MYT1L: variants seen among roughly 807,000 people sequenced by gnomAD.
MYT1L encodes the protein myelin transcription factor 1 like.
MYT1L carries 12 observed loss-of-function variants against 126.7 expected under a neutral mutation model. The ratio of observed to expected loss-of-function variants is 0.09; its 90% CI spans 0.06 to 0.15. MYT1L has a LOEUF of 0.15. Ranked by LOEUF, MYT1L falls within the 10% of genes least tolerant of loss-of-function variation. MYT1L has a pLI of 1.00. For missense variants in MYT1L, 979 were observed against 1,585.2 expected (o/e 0.62, Z 6.49); for synonymous variants, 541 against 604.2 (o/e 0.90, Z 1.53).
intron 2 of MYT1L, among the ~76,000 whole-genome samples, chr2:2,197,486 C>T (rs766231851): frequency 2.0e-5 from 3 of 152,092 alleles, no homozygotes; most frequent in Non-Finnish European, 2.9e-5. Flanking sequence ...TATATACACA[C>T]ATGCACACAC....
At chr2:1,941,146 G>T (rs1432636668) in intron 9 of MYT1L, among the ~76,000 whole-genome samples, 5 of 152,126 alleles carry the variant, frequency 3.3e-5, no homozygotes. Context: ...TATTTTTAAA[G>T]AAATATTTAC....
chr2:2,216,619 G>T (rs1264737522), intron 2 of MYT1L, among the ~76,000 whole-genome samples: 1 of 152,006 alleles, frequency 6.6e-6, no homozygotes, highest in African/African-American at 2.4e-5. Context: ...AAAGAGAAAA[G>T]CAAATTAAAC....
At chr2:1,792,125 G>A (rs944521961) in intron 24 of MYT1L, 118 bp from the exon 25 acceptor site, 4 of 1,175,140 alleles carry the variant, frequency 3.4e-6, no homozygotes, top group Admixed American at 2.9e-5. Flanking sequence ...TTCAAAGGCC[G>A]GCTCAGAGCA....
intron 3 of MYT1L, among the ~76,000 whole-genome samples, chr2:2,101,262 C>A (rs965746351): frequency 6.6e-6 from 1 of 152,124 alleles, no homozygotes; most frequent in Non-Finnish European, 1.5e-5. Flanking sequence ...CTCACCAGCA[C>A]TAACTCTTAC....
At position 2,286,506 on chromosome 2, in the gene MYT1L, T is replaced by C. The variant is rs140867464; in HGVS notation, c.-520-2003A>G. On this transcript the variant is annotated intron_variant, in intron 1 of 24. Coordinates refer to ENST00000647738, the MANE Select transcript of MYT1L (RefSeq NM_001303052.2). ...AAGTTTCGAATGATTTCTAACAAATTGAAAAAAAGAAAACATAGAACCCAT... is the reference window on the plus strand; with the variant it reads ...AAGTTTCGAATGATTTCTAACAAATCGAAAAAAAGAAAACATAGAACCCAT... 7.9e-4 allele frequency among the ~76,000 whole-genome samples: 120 copies of C among 152,236 alleles called. 1 individual carries two copies. Among genetic ancestry groups the C allele is most frequent in the African/African-American group, 2.9e-3 (119 of 41,546 alleles).
chr2:1,828,412 G>T (rs1208117289), intron 21 of MYT1L: 1 of 152,196 alleles, frequency 6.6e-6, no homozygotes, highest in African/African-American at 2.4e-5. Flanking sequence ...AAGAGGTAAG[G>T]TGTGCTCCTC....
At chr2:2,303,279 C>T (rs780065830) in intron 1 of MYT1L, among the ~76,000 whole-genome samples, 6 of 152,178 alleles carry the variant, frequency 3.9e-5, no homozygotes, top group African/African-American at 7.2e-5. Flanking sequence ...ACGGCATGCT[C>T]GGCTTGGCGG....
At chr2:2,314,223 A>T (rs2096024544) in intron 1 of MYT1L, among the ~76,000 whole-genome samples, 1 of 152,234 alleles carries the variant, frequency 6.6e-6, no homozygotes, top group African/African-American at 2.4e-5. Context: ...GCAAACCATT[A>T]ATAGTTTTCC....
chr2:2,314,943 G>A (rs960458976), intron 1 of MYT1L, among the ~76,000 whole-genome samples: 10 of 152,144 alleles, frequency 6.6e-5, no homozygotes, highest in African/African-American at 2.2e-4. Flanking sequence ...TCCCTACTTA[G>A]TAAATGGTGC....
intron 1 of MYT1L, among the ~76,000 whole-genome samples, chr2:2,291,074 G>A (rs1163834515): frequency 2.8e-5 from 4 of 145,140 alleles, no homozygotes; most frequent in African/African-American, 7.4e-5. Flanking sequence ...AAAAAAAAAT[G>A]AAAGTCAGTA....
intron 4 of MYT1L, among the ~76,000 whole-genome samples, chr2:2,028,282 A>C (rs1411917483): frequency 1.3e-5 from 2 of 152,192 alleles, no homozygotes; most frequent in African/African-American, 4.8e-5. Context: ...CTGCAGGAGG[A>C]GCCTGGTGTG....
intron 3 of MYT1L, among the ~76,000 whole-genome samples, chr2:2,136,604 T>C (rs2083088027): frequency 1.3e-5 from 2 of 152,234 alleles, no homozygotes; most frequent in Non-Finnish European, 2.9e-5. Context: ...ATGTATGTTC[T>C]TTCTCTATTA....
chr2:1,951,404 G>T (rs756366797), intron 8 of MYT1L, among the ~76,000 whole-genome samples: 4 of 152,102 alleles, frequency 2.6e-5, no homozygotes, highest in African/African-American at 4.8e-5. Flanking sequence ...GCTGGCCCAG[G>T]AGACACAACC....
chr2:2,186,386 AG>A (rs1383620291), intron 2 of MYT1L, among the ~76,000 whole-genome samples: 2 of 152,214 alleles, frequency 1.3e-5, no homozygotes, highest in East Asian at 3.9e-4. Flanking sequence ...GGTTAACTGT[AG>A]TCCCGCACTG....
At chr2:2,086,055 A>C (rs542070541) in intron 3 of MYT1L, among the ~76,000 whole-genome samples, 1 of 152,364 alleles carries the variant, frequency 6.6e-6, no homozygotes, top group East Asian at 1.9e-4. Flanking sequence ...ATTTCGAAGA[A>C]AAATGAAGGA....
rs2031652565 is a variant in MYT1L, at chr2:1,789,483, AT to A, written c.*2383del. Reference sequence around the variant, plus strand: ...AATATGTGACACTTTTGTGATCCCTATATAATAGTCACAGATAACTTTTGAT... The same window carrying A: ...AATATGTGACACTTTTGTGATCCCTAATAATAGTCACAGATAACTTTTGAT... On this transcript the variant is annotated 3_prime_UTR_variant, in exon 25 of 25. Transcript: ENST00000647738. 6.6e-6 allele frequency: 1 copy of A among 152,262 alleles called. No individual in the cohort carries two copies. The highest frequency in any genetic ancestry group is 1.5e-5 in the Non-Finnish European group (1 of 68,050). The allele number at this position is 152,262 out of a possible 1,614,324, so 9.4% of individuals were successfully genotyped here.
intron 1 of MYT1L, among the ~76,000 whole-genome samples, chr2:2,323,358 T>C (rs1253712831): frequency 6.6e-6 from 1 of 152,120 alleles, no homozygotes; most frequent in Non-Finnish European, 1.5e-5. Flanking sequence ...TAAAATCAAG[T>C]GATCTAAAAT....
intron 4 of MYT1L, among the ~76,000 whole-genome samples, chr2:1,999,119 G>A (rs1019879393): frequency 6.6e-6 from 1 of 152,046 alleles, no homozygotes; most frequent in African/African-American, 2.4e-5. Flanking sequence ...TTCAATGTCT[G>A]AATTAAATAA....
chr2:2,091,379 T>C (rs1028644830), intron 3 of MYT1L, among the ~76,000 whole-genome samples: 2 of 152,218 alleles, frequency 1.3e-5, no homozygotes, highest in Non-Finnish European at 2.9e-5. Context: ...AAATCTTTTT[T>C]TTCTGAGCAG....
Sources: allele counts gnomAD v4.1 joint callset (sites outside exome capture counted in the v4.1 genomes callset), GRCh38; gene constraint gnomAD v4.1.1; transcripts MANE v1.5; gene names NCBI Gene and HGNC (gene_info 2026-07-23, HGNC 2026-07-21).